Variants in ANKFN1 observed in about 807,000 individuals in gnomAD.
ANKFN1 encodes the protein ankyrin repeat and fibronectin type-III domain-containing protein 1.
In ANKFN1, 74 loss-of-function variants were observed where a neutral mutation model predicts 108.7. That is an observed-to-expected ratio of 0.68 (90% CI 0.56 to 0.83). The LOEUF is 0.83. Among genes scored for constraint, ANKFN1 ranks in the 40% least tolerant of loss-of-function variants. The probability of loss-of-function intolerance (pLI) is 0.00; values close to 1 mark genes in which losing one functional copy is unlikely to be tolerated. For synonymous variants in ANKFN1, 547 were observed against 516.2 expected, an observed-to-expected ratio of 1.06 and a Z score of -0.81; for missense variants, 1,505 against 1,382.3, an observed-to-expected ratio of 1.09 and a Z score of -1.41.
At chr17:56,143,234 T>A (rs1037662966) in intron 4 of ANKFN1, among the ~76,000 whole-genome samples, 1 of 151,938 alleles carries the variant, frequency 6.6e-6, no homozygotes, top group Non-Finnish European at 1.5e-5. Context: ...CTCAGAGAGG[T>A]CTTTCTTGTC....
chr17:56,210,115 G>A (rs1914873492), intron 1 of ANKFN1, among the ~76,000 whole-genome samples: 1 of 143,150 alleles, frequency 7.0e-6, no homozygotes, highest in Non-Finnish European at 1.5e-5. Flanking sequence ...GATAATGTAT[G>A]CATCACATTT....
chr17:56,084,148 A>T (rs1905280325), intron 4 of ANKFN1, among the ~76,000 whole-genome samples: 1 of 151,150 alleles, frequency 6.6e-6, no homozygotes, highest in South Asian at 2.1e-4. Flanking sequence ...AAATTTCTCA[A>T]TATTTAAGAA....
chr17:56,117,374 A>G (rs1240807179), intron 4 of ANKFN1, among the ~76,000 whole-genome samples: 1 of 152,206 alleles, frequency 6.6e-6, no homozygotes, highest in Non-Finnish European at 1.5e-5. Flanking sequence ...GATGAAAAAT[A>G]GAAGGAGATA....
At chr17:56,105,494 C>T (rs866161014) in intron 4 of ANKFN1, among the ~76,000 whole-genome samples, 3 of 151,956 alleles carry the variant, frequency 2.0e-5, no homozygotes, top group Admixed American at 1.3e-4. Context: ...TCCTTTGTAT[C>T]TTTTTTTCTT....
chr17:56,113,630 G>A (rs1028072335), intron 4 of ANKFN1, among the ~76,000 whole-genome samples: 7 of 152,132 alleles, frequency 4.6e-5, no homozygotes, highest in African/African-American at 1.7e-4. Context: ...CATTTTCTTA[G>A]GACTATTGTA....
At chr17:56,375,783 G>A (rs961661161) in intron 8 of ANKFN1, among the ~76,000 whole-genome samples, 2 of 152,140 alleles carry the variant, frequency 1.3e-5, no homozygotes, top group African/African-American at 4.8e-5. Context: ...ACGTAGCACC[G>A]ACTATGCACC....
Position 56,046,871 on chromosome 17 carries a change from A to G in ANKFN1, c.288+546A>G, listed in dbSNP as rs117762302. On this transcript the variant is annotated intron_variant, in intron 4 of 12. Coordinates refer to the ANKFN1 transcript ENST00000635860. ...TGTGTTCAAAGAACACAGTCTGGGC[A>G]CGGAAAAGCATGAGTTGCATTTTAC... Among the ~76,000 whole-genome samples, 815 of 152,346 alleles carry G rather than the reference A, an allele frequency of 5.3e-3. 7 individuals carry two copies. Among genetic ancestry groups the G allele is most frequent in the Middle Eastern group, 0.01 (3 of 294 alleles).
intron 4 of ANKFN1, among the ~76,000 whole-genome samples, chr17:56,129,590 A>G (rs1171001359): frequency 1.3e-5 from 2 of 152,232 alleles, no homozygotes; most frequent in Non-Finnish European, 2.9e-5. Context: ...TTTCTGAAAT[A>G]GAACTTTACC....
At chr17:56,227,806 G>C in intron 2 of ANKFN1, 111 bp from the exon 3 acceptor site, 1 of 827,604 alleles carries the variant, frequency 1.2e-6, no homozygotes, top group South Asian at 1.6e-5. Flanking sequence ...TGTAGGCTAG[G>C]CTTCTCTCTC....
rs2051568719 is a variant in ANKFN1, at chr17:56,506,423, G to A, written c.2645-4050G>A. Among the ~76,000 whole-genome samples, 4 of 152,248 alleles carry A rather than the reference G, an allele frequency of 2.6e-5. No homozygotes were observed. The South Asian group carries it at 8.3e-4, about 32-fold the overall frequency. ...ACAGAAGAGAGGCCATGAGAAGTCA[G>A]AAGCAGAGATAGCAGTGGCATGCTC... On this transcript the variant is annotated intron_variant, in intron 20 of 20. Coordinates refer to ENST00000682825, the MANE Select transcript of ANKFN1 (RefSeq NM_001370326.1).
chr17:56,322,649 C>T (rs963929378), intron 3 of ANKFN1, among the ~76,000 whole-genome samples: 4 of 152,204 alleles, frequency 2.6e-5, no homozygotes, highest in East Asian at 1.9e-4. Flanking sequence ...GACACTATGC[C>T]GTGACGCCGA....
intron 3 of ANKFN1, among the ~76,000 whole-genome samples, chr17:56,255,106 T>G (rs2043326112): frequency 6.6e-6 from 1 of 152,204 alleles, no homozygotes; most frequent in Non-Finnish European, 1.5e-5. Context: ...AAGGAATTCC[T>G]CCATTCTAAA....
intron 3 of ANKFN1, among the ~76,000 whole-genome samples, chr17:56,301,523 C>T (rs748063681): frequency 1.3e-5 from 2 of 152,150 alleles, no homozygotes; most frequent in Non-Finnish European, 2.9e-5. Context: ...TTTCTCTGCC[C>T]CAGGGGCCAA....
At chr17:56,196,399 A>G (rs1223048299) in intron 1 of ANKFN1, among the ~76,000 whole-genome samples, 1 of 152,172 alleles carries the variant, frequency 6.6e-6, no homozygotes, top group Non-Finnish European at 1.5e-5. Context: ...TGAAGGTTTA[A>G]TCAGAGTTGC....
At chr17:56,187,652 G>A (rs1003114600) in intron 1 of ANKFN1, among the ~76,000 whole-genome samples, 2 of 152,090 alleles carry the variant, frequency 1.3e-5, no homozygotes, top group Non-Finnish European at 2.9e-5. Flanking sequence ...TTGTGGCACT[G>A]TGCACAACAG....
intron 15 of ANKFN1, among the ~76,000 whole-genome samples, 174 bp downstream of exon 15, chr17:56,466,745 G>A (rs1317156108): frequency 1.3e-5 from 2 of 152,202 alleles, no homozygotes; most frequent in African/African-American, 4.8e-5. Flanking sequence ...CTCCCTAGAT[G>A]TGGAATTCAT....
chr17:56,146,207 T>C (rs1908251971), intron 4 of ANKFN1, among the ~76,000 whole-genome samples: 1 of 152,210 alleles, frequency 6.6e-6, no homozygotes, highest in Non-Finnish European at 1.5e-5. Flanking sequence ...TGGACAGCTC[T>C]ACCCTGTGGC....
At chr17:56,410,199 C>T (rs1037028618) in intron 8 of ANKFN1, among the ~76,000 whole-genome samples, 2 of 152,180 alleles carry the variant, frequency 1.3e-5, no homozygotes, top group South Asian at 2.1e-4. Context: ...GATTCTCCTC[C>T]CGAGTAACTG....
intron 8 of ANKFN1, among the ~76,000 whole-genome samples, chr17:56,390,440 T>C (rs2047395240): frequency 6.6e-6 from 1 of 152,248 alleles, no homozygotes; most frequent in Non-Finnish European, 1.5e-5. Context: ...CTTTATCCAT[T>C]CTATCATTGA....
Sources: gnomAD v4.1 joint callset for allele counts (sites outside exome capture counted in the v4.1 genomes callset) on GRCh38, gnomAD v4.1.1 for gene constraint, MANE v1.5 for transcripts, NCBI Gene and HGNC (gene_info 2026-07-23, HGNC 2026-07-21) for gene names.